The following SLC22A5 variants were observed in gnomAD, a reference collection of about 807,000 sequenced individuals.
The protein encoded by SLC22A5 is organic cation/carnitine transporter 2.
In SLC22A5, 44 loss-of-function variants were observed where a neutral mutation model predicts 56.7. The observed-to-expected ratio is 0.78, with a 90% CI of 0.61 to 1.00. The LOEUF (loss-of-function observed/expected upper bound fraction) is 1.00, where lower values mean the gene tolerates loss of function less well. Ranked by LOEUF, SLC22A5 falls within the 50% of genes least tolerant of loss-of-function variation. The pLI is 0.00. For synonymous variants in SLC22A5, 278 were observed against 292.1 expected (o/e 0.95, Z 0.49); for missense variants, 675 against 723.0 (o/e 0.93, Z 0.76).
rs1751815596 is a variant in SLC22A5, at chr5:132,369,890, G to C, written c.-83G>C. The C allele has an allele frequency of 3.9e-6, 6 of 1,546,742 alleles. No individual in the cohort carries two copies. The African/African-American group carries it at 4.1e-5, about 11-fold the overall frequency. ...CGCCTGCTGCCTGGCTTGCCTGGTCGGCGGCGGGTGCCCCGCGCGCACGCG... is the reference window on the plus strand; with the variant it reads ...CGCCTGCTGCCTGGCTTGCCTGGTCCGCGGCGGGTGCCCCGCGCGCACGCG... On this transcript the variant is annotated 5_prime_UTR_variant, in exon 1 of 10. Transcript: ENST00000245407.
At chr5:132,391,658 TAGC>T (rs558533546) in intron 7 of SLC22A5, among the ~76,000 whole-genome samples, 97 of 152,096 alleles carry the variant, frequency 6.4e-4, no homozygotes, top group Non-Finnish European at 1.1e-3. Flanking sequence ...CACAGAGCCT[TAGC>T]AGGATTTTAT....
In SLC22A5 at chr5:132,370,368, G is replaced by A; in HGVS notation, c.393+3G>A. The A allele has an allele frequency of 3.1e-6, 5 of 1,611,796 alleles. No homozygotes were observed. The highest frequency in any genetic ancestry group is 4.2e-6 in the Non-Finnish European group (5 of 1,179,644). On this transcript the variant is annotated splice_donor_region_variant and intron_variant, in intron 1 of 9. Coordinates refer to ENST00000245407, the MANE Select transcript of SLC22A5 (RefSeq NM_003060.4). ...ACCTGTCCACCATTGTGACCGAGGTGGGTGCCGGCCCCTGCTGGGGCTGAG... is the reference window on the plus strand; with the variant it reads ...ACCTGTCCACCATTGTGACCGAGGTAGGTGCCGGCCCCTGCTGGGGCTGAG...
At chr5:132,376,874 G>A in intron 1 of SLC22A5, 1 of 152,410 alleles carries the variant, frequency 6.6e-6, no homozygotes. Flanking sequence ...GTGTGGGTGG[G>A]GGCCACTGCA....
chr5:132,392,870 A>G (rs747272281), intron 8 of SLC22A5, among the ~76,000 whole-genome samples: 31 of 152,212 alleles, frequency 2.0e-4, no homozygotes, highest in Non-Finnish European at 2.5e-4. Context: ...TAGCCATCCC[A>G]GGCCTTCCAT....
At chr5:132,375,813 A>G (rs1752123175) in intron 1 of SLC22A5, among the ~76,000 whole-genome samples, 2 of 152,182 alleles carry the variant, frequency 1.3e-5, no homozygotes, top group Admixed American at 1.3e-4. Flanking sequence ...TTGGGCCTGC[A>G]TTCACAGCTC....
intron 9 of SLC22A5, among the ~76,000 whole-genome samples, 162 bp downstream of exon 9, chr5:132,393,973 C>T (rs1752792677): frequency 6.6e-6 from 1 of 152,188 alleles, no homozygotes; most frequent in African/African-American, 2.4e-5. Context: ...ACTTATAGCC[C>T]ATCCTCTCTG....
At position 132,378,469 on chromosome 5, in the gene SLC22A5, A is replaced by G; in HGVS notation, c.485A>G (p.Gln162Arg). 1.2e-6 allele frequency: 2 copies of G among 1,613,904 alleles called. No homozygotes were observed. Among genetic ancestry groups the G allele is most frequent in the South Asian group, 2.2e-5 (2 of 91,068 alleles). The change falls in exon 2 of 10, where the codon CAG (glutamine) becomes CGG (arginine). Residue 162 changes from glutamine to arginine, a missense_variant. Physicochemically the swap from Gln to Arg is conservative, Grantham distance 43. Coordinates refer to ENST00000245407, the MANE Select transcript of SLC22A5 (RefSeq NM_003060.4). ...CTGTTGGGCTCCTTCATTTCAGGGC[A>G]GCTGTCAGACAGGTAAGGTGTCTGT... ...GVLLGSFISG[Q>R]LSDRFGRKNV...
In SLC22A5 at chr5:132,388,908, G is replaced by A. The variant is rs773669663; in HGVS notation, c.952-13G>A. 5.1e-6 allele frequency: 8 copies of A among 1,564,912 alleles called. No individual in the cohort carries two copies. In the East Asian group the frequency reaches 1.8e-4, roughly 35 times the overall value. ...CCTCTTCTTCCCATACACTTATGAT[G>A]TTGTTCCTGCAGTTACAAGACCTAA... On this transcript the variant is annotated splice_polypyrimidine_tract_variant and intron_variant, in intron 5 of 9. Coordinates refer to ENST00000245407, the MANE Select transcript of SLC22A5 (RefSeq NM_003060.4).
chr5:132,378,629 A>G (rs1752235439), intron 2 of SLC22A5, 148 bp downstream of exon 2: 2 of 695,592 alleles, frequency 2.9e-6, no homozygotes, highest in African/African-American at 1.8e-5. Context: ...TATAGACTCC[A>G]TGCCTAGTAA....
intron 6 of SLC22A5, chr5:132,389,492 T>C (rs1390521422): frequency 2.1e-5 from 5 of 233,678 alleles, no homozygotes; most frequent in African/African-American, 1.1e-4. Context: ...GAGTCAGGGC[T>C]ATAGCCTAGA....
chr5:132,380,656 AG>A lies in SLC22A5; in HGVS notation c.497+2176del, dbSNP rs1388147776. 11 of 152,176 alleles carry A rather than the reference AG, an allele frequency of 7.2e-5. No individual in the cohort carries two copies. In the South Asian group the frequency reaches 1.7e-3, roughly 23 times the overall value. The allele number at this position is 152,176 out of a possible 1,614,324, so 9.4% of individuals were successfully genotyped here. A position where few individuals can be genotyped will look rare whatever the true frequency, so the allele number is the denominator to read the frequency against. ...CTGGATGTCGGAATTGGGGGAAGAAAGCTTTCTGGCCTGAGTAACTGGGTGA... is the reference window on the plus strand; with the variant it reads ...CTGGATGTCGGAATTGGGGGAAGAAACTTTCTGGCCTGAGTAACTGGGTGA... On this transcript the variant is annotated intron_variant, in intron 2 of 9. Transcript: ENST00000245407.
At position 132,392,008 on chromosome 5, in the gene SLC22A5, AT is replaced by A. The variant is rs367674482; in HGVS notation, c.1268-418del. ...CAACTTGAGATTCTGATGGCCTATG[AT>A]TTTTTTGAGGTCTGAGTGGGAGGAA... is the stretch of plus-strand genomic sequence containing the variant. On this transcript the variant is annotated intron_variant, in intron 7 of 9. Coordinates refer to ENST00000245407, the MANE Select transcript of SLC22A5 (RefSeq NM_003060.4). 1.5e-4 allele frequency among the ~76,000 whole-genome samples: 23 copies of A among 152,322 alleles called. No individual in the cohort carries two copies. In the South Asian group the frequency reaches 4.8e-3, roughly 32 times the overall value.
At chr5:132,378,569 C>T (rs1386644268) in intron 2 of SLC22A5, 88 bp downstream of exon 2, 6 of 954,814 alleles carry the variant, frequency 6.3e-6, no homozygotes, top group Non-Finnish European at 1.0e-5. Flanking sequence ...TGGTAGTATT[C>T]TTTCAGCGCA....
chr5:132,371,254 G>A (rs956707697), intron 1 of SLC22A5, among the ~76,000 whole-genome samples: 13 of 152,146 alleles, frequency 8.5e-5, no homozygotes, highest in African/African-American at 2.4e-4. Flanking sequence ...GAGCCACCAC[G>A]CCAGGCCGTC....
At chr5:132,385,748 C>T (rs1752505867) in intron 4 of SLC22A5, among the ~76,000 whole-genome samples, 1 of 152,266 alleles carries the variant, frequency 6.6e-6, no homozygotes, top group South Asian at 2.1e-4. Context: ...ATAGCAGTAG[C>T]TGTGAGAAGA....
chr5:132,378,227 C>T (rs201024237), intron 1 of SLC22A5, 151 bp from the exon 2 acceptor site: 8 of 1,613,782 alleles, frequency 5.0e-6, no homozygotes, highest in Non-Finnish European at 6.8e-6. Flanking sequence ...TCTCTGCCTT[C>T]CTGCCCAGGT....
At position 132,369,889 on chromosome 5, in the gene SLC22A5, C is replaced by T. The variant is rs1214327723; in HGVS notation, c.-84C>T. 3.9e-6 allele frequency: 6 copies of T among 1,543,048 alleles called. No homozygotes were observed. The highest frequency in any genetic ancestry group is 1.2e-5 in the South Asian group (1 of 82,638). On this transcript the variant is annotated 5_prime_UTR_variant, in exon 1 of 10. Transcript: ENST00000245407. The stretch of plus-strand genomic sequence containing the variant: ...TCGCCTGCTGCCTGGCTTGCCTGGT[C>T]GGCGGCGGGTGCCCCGCGCGCACGC...
intron 1 of SLC22A5, 91 bp from the exon 2 acceptor site, chr5:132,378,287 C>T: frequency 6.2e-7 from 1 of 1,613,362 alleles, no homozygotes; most frequent in East Asian, 2.2e-5. Context: ...GTGGGGATGG[C>T]AGGATGTTCT....
At chr5:132,394,109 C>T in intron 9 of SLC22A5, 76 bp from the exon 10 acceptor site, 1 of 983,348 alleles carries the variant, frequency 1.0e-6, no homozygotes, top group Non-Finnish European at 1.6e-6. Context: ...AAGATATCCT[C>T]AGTTCTTGTT....
Sources: gnomAD v4.1 joint callset for allele counts (sites outside exome capture counted in the v4.1 genomes callset) on GRCh38, gnomAD v4.1.1 for gene constraint, MANE v1.5 for transcripts, NCBI Gene and HGNC (gene_info 2026-07-23, HGNC 2026-07-21) for gene names.